CTNNBL1: variants seen among roughly 807,000 people sequenced by gnomAD.
CTNNBL1 encodes beta-catenin-like protein 1.
CTNNBL1 carries 31 observed loss-of-function variants against 72.7 expected under a neutral mutation model. The observed-to-expected ratio is 0.43, with a 90% CI of 0.32 to 0.58. The LOEUF is 0.58. Among genes scored for constraint, CTNNBL1 ranks in the 20% least tolerant of loss-of-function variants. The pLI is 0.08. For missense variants in CTNNBL1, 534 were observed against 725.1 expected (o/e 0.74, Z 3.03); for synonymous variants, 240 against 267.3 (o/e 0.90, Z 1.00).
chr20:37,777,702 A>C lies in CTNNBL1; in HGVS notation c.872A>C (p.Gln291Pro). ...GELDGIDVLL[Q>P]QLSVFKRHNP... ...CTGGATGGAATCGATGTGCTTCTTCAGCAGTTATCCGTGAGTAATTCTTAT... is the reference window on the plus strand; with the variant it reads ...CTGGATGGAATCGATGTGCTTCTTCCGCAGTTATCCGTGAGTAATTCTTAT... The change falls in exon 9 of 16, where the codon CAG (glutamine) becomes CCG (proline). Residue 291 changes from glutamine to proline, a missense_variant. Physicochemically the swap from Gln to Pro is moderately conservative, Grantham distance 76. Transcript: ENST00000361383. 1 of 1,613,652 alleles carries C rather than the reference A, an allele frequency of 6.2e-7. No homozygotes were observed. The highest frequency in any genetic ancestry group is 8.5e-7 in the Non-Finnish European group (1 of 1,179,692).
At chr20:37,855,850 C>T (rs1039328411) in intron 13 of CTNNBL1, among the ~76,000 whole-genome samples, 1 of 152,196 alleles carries the variant, frequency 6.6e-6, no homozygotes, top group Non-Finnish European at 1.5e-5. Flanking sequence ...ACTTCTGCCC[C>T]AGCCATGCAA....
At chr20:37,828,139 C>T (rs6126226) in intron 11 of CTNNBL1, among the ~76,000 whole-genome samples, 122,706 of 152,142 alleles carry the variant, frequency 0.81, 49,549 homozygotes, top group Middle Eastern at 0.89. Context: ...ATTCAGCATT[C>T]GTTGAACTCA....
intron 1 of CTNNBL1, among the ~76,000 whole-genome samples, chr20:37,702,012 A>G (rs1303089826): frequency 6.6e-6 from 1 of 152,228 alleles, no homozygotes; most frequent in Non-Finnish European, 1.5e-5. Context: ...CAGTGCTAAC[A>G]GTATACTGTT....
intron 1 of CTNNBL1, among the ~76,000 whole-genome samples, chr20:37,696,785 C>T (rs984409513): frequency 2.0e-5 from 3 of 152,024 alleles, no homozygotes; most frequent in African/African-American, 7.2e-5. Context: ...ATGCTGATTA[C>T]ATGTTGAATA....
chr20:37,715,493 G>T (rs2072978238), intron 1 of CTNNBL1, among the ~76,000 whole-genome samples: 1 of 152,226 alleles, frequency 6.6e-6, no homozygotes, highest in Non-Finnish European at 1.5e-5. Flanking sequence ...TATGGTTTCT[G>T]TAAACCCCAC....
intron 13 of CTNNBL1, among the ~76,000 whole-genome samples, chr20:37,859,358 A>C (rs1009765839): frequency 1.5e-5 from 2 of 137,202 alleles, no homozygotes; most frequent in African/African-American, 2.9e-5. Flanking sequence ...ACTCCATCTC[A>C]AAAAAAAAAA....
intron 7 of CTNNBL1, among the ~76,000 whole-genome samples, chr20:37,776,818 A>G (rs774412524): frequency 7.9e-5 from 12 of 152,222 alleles, no homozygotes; most frequent in South Asian, 2.1e-4. Flanking sequence ...AGATTATGGC[A>G]TGCAAGCAGA....
chr20:37,868,877 T>C (rs1158198838), intron 15 of CTNNBL1, among the ~76,000 whole-genome samples: 4 of 152,140 alleles, frequency 2.6e-5, no homozygotes. Context: ...GAGAGCAAAG[T>C]GTTAGCTCAA....
rs912588379 is a variant in CTNNBL1 at position 37,721,400 on chromosome 20, T to C, written c.31-11479T>C. On this transcript the variant is annotated intron_variant, in intron 1 of 15. Coordinates refer to ENST00000361383, the MANE Select transcript of CTNNBL1 (RefSeq NM_030877.5). ...ACTCTGTGAGAGATCTTGTTGACTT[T>C]AAGGTACCCTGTGAGTGTTATAAAC... 5.3e-5 allele frequency among the ~76,000 whole-genome samples: 8 copies of C among 152,344 alleles called. No individual in the cohort carries two copies. The South Asian group carries it at 1.7e-3, about 32-fold the overall frequency.
intron 15 of CTNNBL1, among the ~76,000 whole-genome samples, chr20:37,868,756 A>G (rs1244652081): frequency 6.6e-6 from 1 of 152,148 alleles, no homozygotes; most frequent in Non-Finnish European, 1.5e-5. Flanking sequence ...TCTGCTTCGT[A>G]CATCCCTAGA....
intron 13 of CTNNBL1, among the ~76,000 whole-genome samples, chr20:37,858,520 A>AG (rs956587094): frequency 6.6e-6 from 1 of 152,182 alleles, no homozygotes; most frequent in Admixed American, 6.5e-5. Context: ...CGGAATCCCA[A>AG]GGGGGGAAGG....
intron 11 of CTNNBL1, among the ~76,000 whole-genome samples, chr20:37,804,990 C>T (rs1302456015): frequency 6.6e-6 from 1 of 152,190 alleles, no homozygotes; most frequent in Non-Finnish European, 1.5e-5. Context: ...GACCAGTACC[C>T]AGAGAGCAGA....
At chr20:37,816,689 C>CT (rs2072062484) in intron 11 of CTNNBL1, among the ~76,000 whole-genome samples, 1 of 152,018 alleles carries the variant, frequency 6.6e-6, no homozygotes, top group Non-Finnish European at 1.5e-5. Flanking sequence ...ACTTTCCTTC[C>CT]TTGTCCCTGG....
At chr20:37,793,531 T>C in intron 10 of CTNNBL1, among the ~76,000 whole-genome samples, 1 of 152,202 alleles carries the variant, frequency 6.6e-6, no homozygotes, top group East Asian at 1.9e-4. Flanking sequence ...AAAATTCATT[T>C]GTTGAATTTG....
At chr20:37,740,107 C>T (rs115573305) in intron 3 of CTNNBL1, among the ~76,000 whole-genome samples, 1,531 of 152,084 alleles carry the variant, frequency 0.01, 31 homozygotes, top group African/African-American at 0.034. Context: ...TTAAAAAAAT[C>T]GGTAGTGTTT....
chr20:37,775,893 C>G (rs148089551), intron 7 of CTNNBL1, among the ~76,000 whole-genome samples: 1 of 152,294 alleles, frequency 6.6e-6, no homozygotes, highest in East Asian at 1.9e-4. Context: ...AAACAAGAAC[C>G]ATGGCCCTTG....
chr20:37,764,323 G>A (rs995870758), intron 5 of CTNNBL1, among the ~76,000 whole-genome samples: 5 of 152,202 alleles, frequency 3.3e-5, no homozygotes, highest in Admixed American at 2.6e-4. Context: ...AAAACTAGAT[G>A]TTTCCTTAGT....
chr20:37,839,975 A>T (rs2072288443), intron 11 of CTNNBL1, 127 bp from the exon 12 acceptor site: 1 of 630,184 alleles, frequency 1.6e-6, no homozygotes, highest in Admixed American at 2.8e-5. Flanking sequence ...TTCTTGTCTT[A>T]TTAATCAATA....
intron 1 of CTNNBL1, among the ~76,000 whole-genome samples, chr20:37,722,581 G>C (rs1164324852): frequency 6.6e-6 from 1 of 152,024 alleles, no homozygotes; most frequent in Non-Finnish European, 1.5e-5. Flanking sequence ...ATTGAATTCC[G>C]TGCTTTCTTT....
Sources: allele counts gnomAD v4.1 joint callset (sites outside exome capture counted in the v4.1 genomes callset), GRCh38; gene constraint gnomAD v4.1.1; transcripts MANE v1.5; gene names NCBI Gene and HGNC (gene_info 2026-07-23, HGNC 2026-07-21).